The following NEK10 variants were observed in gnomAD, a reference collection of about 807,000 sequenced individuals.
NEK10 encodes NIMA related kinase 10, also known as serine/threonine-protein kinase Nek10.
NEK10 carries 122 observed loss-of-function variants against 159.8 expected under a neutral mutation model. That is an observed-to-expected ratio of 0.76 (90% CI 0.66 to 0.89). NEK10 has a LOEUF of 0.89. NEK10 is among the 40% of genes least tolerant of loss of function. The probability of loss-of-function intolerance (pLI) is 0.00; values close to 1 mark genes in which losing one functional copy is unlikely to be tolerated. For missense variants in NEK10, 1,342 were observed against 1,323.1 expected, an observed-to-expected ratio of 1.01 and a Z score of -0.22; for synonymous variants, 466 against 457.1, an observed-to-expected ratio of 1.02 and a Z score of -0.25.
chr3:27,283,743 C>T (rs144107439), intron 22 of NEK10, among the ~76,000 whole-genome samples: 156 of 152,246 alleles, frequency 1.0e-3, no homozygotes, highest in African/African-American at 3.7e-3. Context: ...ATCAGGCCTA[C>T]CTGCTACAGA....
In NEK10 at chr3:27,174,713, C is replaced by T. The variant is rs141419403; in HGVS notation, c.2626G>A (p.Glu876Lys). Residue 876 changes from glutamate to lysine, a missense_variant, in exon 27 of 36, where the codon GAA becomes AAA. By Grantham distance (56) the Glu-to-Lys change is moderately conservative. Coordinates refer to ENST00000691995, the MANE Select transcript of NEK10 (RefSeq NM_001394966.1). Reference protein sequence around the residue: ...EGFQASYGKDEDRACDEILSD... With the variant: ...EGFQASYGKDKDRACDEILSD... ...AGGATTTCGTCACAGGCCCTGTCTT[C>T]GTCTTTACCATAGGAGGCCTGGAAG... 232 of 1,613,496 alleles carry T rather than the reference C, an allele frequency of 1.4e-4. 1 individual carries two copies. In the Middle Eastern group the frequency reaches 1.8e-3, roughly 13 times the overall value.
chr3:27,117,684 T>C (rs887396973), intron 33 of NEK10, among the ~76,000 whole-genome samples: 3 of 152,216 alleles, frequency 2.0e-5, no homozygotes, highest in Non-Finnish European at 4.4e-5. Flanking sequence ...TGCTTTTTTC[T>C]TGTAAATTTG....
At chr3:27,218,199 C>T (rs184881722) in intron 23 of NEK10, among the ~76,000 whole-genome samples, 14 of 152,274 alleles carry the variant, frequency 9.2e-5, no homozygotes, top group Admixed American at 3.3e-4. Flanking sequence ...CACCACACTG[C>T]GCAGAATGGT....
At chr3:27,188,785 T>C (rs1245049219) in intron 26 of NEK10, among the ~76,000 whole-genome samples, 2 of 152,178 alleles carry the variant, frequency 1.3e-5, no homozygotes. Context: ...GGAATTGAAG[T>C]TTTCCATTGA....
At chr3:27,182,255 T>C (rs958022642) in intron 26 of NEK10, among the ~76,000 whole-genome samples, 6 of 152,188 alleles carry the variant, frequency 3.9e-5, no homozygotes, top group Non-Finnish European at 5.9e-5. Context: ...GTAAAGCATA[T>C]GTGTGGTAAT....
At chr3:27,159,601 T>C (rs1945815210) in intron 30 of NEK10, among the ~76,000 whole-genome samples, 2 of 152,150 alleles carry the variant, frequency 1.3e-5, no homozygotes, top group South Asian at 4.1e-4. Context: ...GTATAATATA[T>C]GAATTCCTAA....
At chr3:27,251,076 C>T (rs1955613041) in intron 23 of NEK10, among the ~76,000 whole-genome samples, 1 of 152,168 alleles carries the variant, frequency 6.6e-6, no homozygotes, top group African/African-American at 2.4e-5. Context: ...TGACATGTAT[C>T]ACCTCATTTA....
chr3:27,367,915 C>T lies in NEK10; in HGVS notation c.-38+1310G>A, dbSNP rs1018335957. ...TCAAGATGGAACTGCTGATAGAAGGCCTAACTAAAGATTGGATTAGGGTAA... is the reference window on the plus strand; with the variant it reads ...TCAAGATGGAACTGCTGATAGAAGGTCTAACTAAAGATTGGATTAGGGTAA... On this transcript the variant is annotated intron_variant, in intron 1 of 35. Coordinates refer to ENST00000691995, the MANE Select transcript of NEK10 (RefSeq NM_001394966.1). 3.3e-5 allele frequency among the ~76,000 whole-genome samples: 5 copies of T among 152,062 alleles called. No homozygotes were observed. In the South Asian group the frequency reaches 1.0e-3, roughly 32 times the overall value.
intron 3 of NEK10, among the ~76,000 whole-genome samples, chr3:27,348,469 C>G (rs1322778916): frequency 6.6e-6 from 1 of 152,170 alleles, no homozygotes; most frequent in Non-Finnish European, 1.5e-5. Flanking sequence ...CACCTTGAAG[C>G]AAGTAGCACT....
chr3:27,111,419 A>C (rs1291731843), intron 35 of NEK10, 99 bp from the exon 36 acceptor site: 1 of 856,044 alleles, frequency 1.2e-6, no homozygotes, highest in African/African-American at 1.8e-5. Flanking sequence ...TAAGTAAATA[A>C]ATCACAGTAA....
chr3:27,348,581 C>G (rs554067089), intron 3 of NEK10, among the ~76,000 whole-genome samples: 1 of 152,170 alleles, frequency 6.6e-6, no homozygotes, highest in Non-Finnish European at 1.5e-5. Context: ...TCTCTCCACA[C>G]CTGGGCATCT....
At chr3:27,285,845 T>G (rs989861286) in intron 20 of NEK10, among the ~76,000 whole-genome samples, 2 of 152,180 alleles carry the variant, frequency 1.3e-5, no homozygotes, top group African/African-American at 4.8e-5. Flanking sequence ...CATACCATTC[T>G]TTCTGCTGGT....
chr3:27,226,113 G>C (rs1306360515), intron 23 of NEK10, among the ~76,000 whole-genome samples: 1 of 152,032 alleles, frequency 6.6e-6, no homozygotes, highest in South Asian at 2.1e-4. Context: ...CTCACTGCAA[G>C]CTCTGCCTCC....
intron 22 of NEK10, among the ~76,000 whole-genome samples, chr3:27,283,233 T>C (rs1413732082): frequency 6.6e-6 from 1 of 152,158 alleles, no homozygotes; most frequent in Non-Finnish European, 1.5e-5. Context: ...TTAGATGCTG[T>C]CATATGTTGT....
At chr3:27,368,151 G>A (rs1017555356) in intron 1 of NEK10, among the ~76,000 whole-genome samples, 7 of 152,120 alleles carry the variant, frequency 4.6e-5, no homozygotes, top group African/African-American at 1.7e-4. Flanking sequence ...AAATTAGCCA[G>A]GCGTAGTGGC....
At chr3:27,159,790 T>C (rs1467784603) in intron 30 of NEK10, among the ~76,000 whole-genome samples, 2 of 151,948 alleles carry the variant, frequency 1.3e-5, no homozygotes, top group Non-Finnish European at 2.9e-5. Flanking sequence ...GTTATTACCA[T>C]GACATGAACC....
At chr3:27,279,428 T>A (rs906240026) in intron 22 of NEK10, among the ~76,000 whole-genome samples, 2 of 152,174 alleles carry the variant, frequency 1.3e-5, no homozygotes, top group Admixed American at 1.3e-4. Context: ...GCTCTACTAA[T>A]TGCAGCTGCA....
intron 30 of NEK10, among the ~76,000 whole-genome samples, chr3:27,142,005 A>C (rs2125582465): frequency 6.6e-6 from 1 of 152,310 alleles, no homozygotes; most frequent in Non-Finnish European, 1.5e-5. Flanking sequence ...TTTTATCAAA[A>C]CTATAAAATG....
intron 22 of NEK10, among the ~76,000 whole-genome samples, chr3:27,262,305 G>A (rs1307093125): frequency 1.3e-5 from 2 of 152,214 alleles, no homozygotes; most frequent in Non-Finnish European, 1.5e-5. Flanking sequence ...TGACAATTAT[G>A]TGTCTTGGAG....
Sources: allele counts gnomAD v4.1 joint callset (sites outside exome capture counted in the v4.1 genomes callset), GRCh38; gene constraint gnomAD v4.1.1; transcripts MANE v1.5; gene names NCBI Gene and HGNC (gene_info 2026-07-23, HGNC 2026-07-21).